KCNC4: variants seen among roughly 807,000 people sequenced by gnomAD.
KCNC4 encodes the protein voltage-gated potassium channel KCNC4.
A neutral mutation model predicts 42.8 loss-of-function variants in KCNC4; 23 were observed. The ratio of observed to expected loss-of-function variants is 0.54; its 90% CI spans 0.39 to 0.76. KCNC4 has a LOEUF of 0.76. Among genes scored for constraint, KCNC4 ranks in the 30% least tolerant of loss-of-function variants. The pLI is 0.00. For missense variants in KCNC4, 751 were observed against 898.2 expected (o/e 0.84, Z 2.10); for synonymous variants, 422 against 393.5 (o/e 1.07, Z -0.86).
chr1:110,280,154 C>T (rs1163150096), intron 1 of KCNC4, among the ~76,000 whole-genome samples: 4 of 152,096 alleles, frequency 2.6e-5, no homozygotes, highest in Non-Finnish European at 5.9e-5. Flanking sequence ...TAGATGATCA[C>T]AATAGGTTGG....
At chr1:110,270,600 C>A (rs916840626) in intron 1 of KCNC4, among the ~76,000 whole-genome samples, 5 of 152,152 alleles carry the variant, frequency 3.3e-5, no homozygotes, top group African/African-American at 1.2e-4. Flanking sequence ...GAGCACAAAC[C>A]AGGAGGCTGA....
intron 1 of KCNC4, among the ~76,000 whole-genome samples, chr1:110,263,824 G>T (rs1426187970): frequency 1.4e-5 from 1 of 71,812 alleles, no homozygotes; most frequent in Non-Finnish European, 2.4e-5. Context: ...CTTTCAGTGA[G>T]GGGGGGGAGC....
exon 4 of KCNC4, chr1:110,242,973 G>T (rs893539277): frequency 6.6e-6 from 1 of 152,224 alleles, no homozygotes; most frequent in African/African-American, 2.4e-5. Flanking sequence ...TTTGCCACTT[G>T]TGAGCTGCGT....
chr1:110,282,148 G>T (rs1022733700), intron 1 of KCNC4, among the ~76,000 whole-genome samples: 1 of 152,156 alleles, frequency 6.6e-6, no homozygotes, highest in Admixed American at 6.5e-5. Context: ...AATGCCTTCC[G>T]CTTTAGCTTA....
intron 1 of KCNC4, chr1:110,219,983 T>G (rs1658001124): frequency 6.6e-6 from 1 of 152,316 alleles, no homozygotes; most frequent in Non-Finnish European, 1.5e-5. Flanking sequence ...GCTGAGTGCC[T>G]GCTGCCCCAG....
downstream of KCNC4, among the ~76,000 whole-genome samples, chr1:110,252,263 C>T (rs1029666561): frequency 5.3e-5 from 8 of 152,192 alleles, no homozygotes; most frequent in Admixed American, 2.0e-4. Context: ...AAAATAAATC[C>T]GTTAAAATGA....
chr1:110,260,101 G>C (rs1269278226), intron 1 of KCNC4, among the ~76,000 whole-genome samples: 1 of 152,136 alleles, frequency 6.6e-6, no homozygotes, highest in East Asian at 1.9e-4. Context: ...AAAATACCAT[G>C]GATTGTTTTT....
chr1:110,219,380 G>A (rs1176810716), intron 1 of KCNC4, among the ~76,000 whole-genome samples: 3 of 152,118 alleles, frequency 2.0e-5, no homozygotes, highest in Non-Finnish European at 4.4e-5. Context: ...TACTAGTACT[G>A]TCCCCATTTT....
chr1:110,260,809 A>T (rs4839274), intron 1 of KCNC4, among the ~76,000 whole-genome samples: 5 of 152,140 alleles, frequency 3.3e-5, no homozygotes, highest in African/African-American at 1.2e-4. Flanking sequence ...GTGCGCTTGT[A>T]GTCCCAGCTA....
intron 1 of KCNC4, among the ~76,000 whole-genome samples, chr1:110,267,369 G>A (rs1659558053): frequency 6.6e-6 from 1 of 152,060 alleles, no homozygotes; most frequent in South Asian, 2.1e-4. Context: ...TACATTTCTG[G>A]CTCAGTGCTG....
chr1:110,246,766 C>CTTTCTT (rs746720945), exon 4 of KCNC4: 105 of 139,378 alleles, frequency 7.5e-4, no homozygotes, highest in African/African-American at 2.0e-3. Flanking sequence ...TTTTTCTTTT[C>CTTTCTT]TTTTTTTTTT....
intron 1 of KCNC4, among the ~76,000 whole-genome samples, chr1:110,265,734 GT>G (rs1176591014): frequency 6.6e-6 from 1 of 152,156 alleles, no homozygotes; most frequent in Non-Finnish European, 1.5e-5. Context: ...TTGGAGGTGG[GT>G]AGGACAGGGT....
At chr1:110,256,494 C>T (rs1322856395) in intron 1 of KCNC4, among the ~76,000 whole-genome samples, 2 of 152,248 alleles carry the variant, frequency 1.3e-5, no homozygotes, top group Admixed American at 1.3e-4. Context: ...TCTCATCACC[C>T]GTAGCTCTTC....
chr1:110,212,277 AC>A, intron 1 of KCNC4, 100 bp downstream of exon 1: 1 of 1,222,678 alleles, frequency 8.2e-7, no homozygotes, highest in African/African-American at 1.6e-5. Context: ...AGCCTGACTT[AC>A]CTTACCACCG....
intron 1 of KCNC4, 105 bp downstream of exon 1, chr1:110,212,282 A>G: frequency 1.7e-6 from 2 of 1,194,724 alleles, no homozygotes; most frequent in Non-Finnish European, 2.2e-6. Flanking sequence ...GACTTACCTT[A>G]CCACCGCAGA....
chr1:110,272,414 T>C (rs542297850), intron 1 of KCNC4: 87 of 152,134 alleles, frequency 5.7e-4, no homozygotes, highest in African/African-American at 2.0e-3. Context: ...ATGGCCCAAA[T>C]GTATGAACAG....
At chr1:110,268,374 G>A (rs1570582687) in intron 1 of KCNC4, among the ~76,000 whole-genome samples, 1 of 152,238 alleles carries the variant, frequency 6.6e-6, no homozygotes, top group South Asian at 2.1e-4. Context: ...TTGGGAGGCC[G>A]AGGCGGGCAG....
At position 110,211,513 on chromosome 1, in the gene KCNC4, T is replaced by C. The variant is rs2100974538; in HGVS notation, c.14T>C (p.Val5Ala). 6.2e-7 allele frequency: 1 copy of C among 1,613,670 alleles called. No individual in the cohort carries two copies. The highest frequency in any genetic ancestry group is 8.5e-7 in the Non-Finnish European group (1 of 1,179,844). MISS[V>A]CVSSYRGRKS... Reference sequence around the variant, plus strand: ...GCAGCGCTTCTTATGATCAGCTCGGTGTGTGTCTCCTCCTACCGCGGGCGC... The same window carrying C: ...GCAGCGCTTCTTATGATCAGCTCGGCGTGTGTCTCCTCCTACCGCGGGCGC... The change falls in exon 1 of 4, where the codon GTG (valine) becomes GCG (alanine). Residue 5 changes from valine to alanine, a missense_variant. Physicochemically the swap from Val to Ala is moderately conservative, Grantham distance 64. Transcript: ENST00000438661. This position sits in a 1 kb window ranked among gnomAD's most constrained non-coding sequence, Gnocchi z 6.5.
At chr1:110,214,895 C>T (rs190348646) in intron 1 of KCNC4, among the ~76,000 whole-genome samples, 28 of 152,298 alleles carry the variant, frequency 1.8e-4, no homozygotes, top group African/African-American at 5.5e-4. Flanking sequence ...CTATGCCATG[C>T]GGGGAGTTCT....
Sources: gnomAD v4.1 joint callset for allele counts (sites outside exome capture counted in the v4.1 genomes callset) on GRCh38, gnomAD v4.1.1 for gene constraint, Gnocchi (gnomAD v3.1) non-coding constraint, MANE v1.5 for transcripts, NCBI Gene and HGNC (gene_info 2026-07-23, HGNC 2026-07-21) for gene names.